Variants in KRT77 observed in about 807,000 individuals in gnomAD.
KRT77 encodes the protein keratin, type II cytoskeletal 1b.
A neutral mutation model predicts 51.5 loss-of-function variants in KRT77; 44 were observed. The observed-to-expected ratio is 0.85, with a 90% CI of 0.67 to 1.10. KRT77 has a LOEUF of 1.10. Among genes scored for constraint, KRT77 ranks in the 50% least tolerant of loss-of-function variants. The pLI is 0.00. For synonymous variants in KRT77, 293 were observed against 302.0 expected, an observed-to-expected ratio of 0.97 and a Z score of 0.31; for missense variants, 763 against 743.9, an observed-to-expected ratio of 1.03 and a Z score of -0.30.
At chr12:52,701,659 G>A (rs1176941009) in intron 1 of KRT77, among the ~76,000 whole-genome samples, 2 of 152,212 alleles carry the variant, frequency 1.3e-5, no homozygotes, top group Non-Finnish European at 2.9e-5. Flanking sequence ...CAGACAAAAG[G>A]AGATGCTGGA....
intron 1 of KRT77, among the ~76,000 whole-genome samples, chr12:52,700,315 C>T (rs1183640658): frequency 6.6e-6 from 1 of 152,190 alleles, no homozygotes; most frequent in Non-Finnish European, 1.5e-5. Context: ...AAGAAATAAT[C>T]ATGTAAAAAA....
chr12:52,695,869 T>C lies in KRT77; in HGVS notation c.820-2A>G. ...GCTCACATAAGCAGCATCCACATCC[T>C]GAATAGCAGGCAGAAACAGTTTGAC... On this transcript the variant is annotated splice_acceptor_variant, in intron 3 of 8. Coordinates refer to ENST00000341809, the MANE Select transcript of KRT77 (RefSeq NM_175078.3). LOFTEE classifies it high-confidence loss of function. 1 of 1,594,376 alleles carries C rather than the reference T, an allele frequency of 6.3e-7. No individual in the cohort carries two copies. Among genetic ancestry groups the C allele is most frequent in the Non-Finnish European group, 8.6e-7 (1 of 1,162,040 alleles).
In KRT77 at chr12:52,691,012, C is replaced by T; in HGVS notation, c.*153G>A. The T allele has an allele frequency of 2.9e-6, 3 of 1,048,530 alleles. No individual in the cohort carries two copies. The highest frequency in any genetic ancestry group is 4.2e-6 in the Non-Finnish European group (3 of 710,936). 65.0% of individuals were successfully genotyped at this position (1,048,530 alleles called of 1,614,324 possible). A position where few individuals can be genotyped will look rare whatever the true frequency, so the allele number is the denominator to read the frequency against. On this transcript the variant is annotated 3_prime_UTR_variant, in exon 9 of 9. Coordinates refer to ENST00000341809, the MANE Select transcript of KRT77 (RefSeq NM_175078.3). ...GAGATCTGCTGTTTGGACTTATCCA[C>T]CCTGCTTCCCCCATTAGAGTCGAAT...
rs147146638 is a variant in KRT77, at chr12:52,697,301, A to G, written c.758+381T>C. Among the ~76,000 whole-genome samples, 3 of 152,100 alleles carry G rather than the reference A, an allele frequency of 2.0e-5. No homozygotes were observed. In the East Asian group the frequency reaches 5.8e-4, roughly 29 times the overall value. ...AAACAGATGCATGCTCAAGTCTGAG[A>G]ACCACAGATCTACCCACAACAATCC... is the stretch of plus-strand genomic sequence containing the variant. On this transcript the variant is annotated intron_variant, in intron 2 of 8. Coordinates refer to ENST00000341809, the MANE Select transcript of KRT77 (RefSeq NM_175078.3).
At chr12:52,696,010 C>G in intron 3 of KRT77, 143 bp from the exon 4 acceptor site, 1 of 642,986 alleles carries the variant, frequency 1.6e-6, no homozygotes, top group Non-Finnish European at 2.8e-6. Context: ...GAATAAGGGA[C>G]CCACAAGTCC....
rs371905244 is a variant in KRT77, at chr12:52,703,254, G to T, written c.181C>A (p.Leu61Ile). The T allele has an allele frequency of 1.2e-6, 2 of 1,613,296 alleles. No homozygotes were observed. The highest frequency in any genetic ancestry group is 1.7e-6 in the Non-Finnish European group (2 of 1,179,954). Reference protein sequence around the residue: ...IHGRGFGSRSLYNLGGSRSIS... With the variant: ...IHGRGFGSRSIYNLGGSRSIS... ...CTTCTACTGCCACCCAGATTGTAGA[G>T]GCTCCTAGAGCCAAACCCCCTTCCA... The change falls in exon 1 of 9, where the codon CTC (leucine) becomes ATC (isoleucine). Residue 61 changes from leucine to isoleucine, a missense_variant. Leu to Ile is a conservative substitution (Grantham distance 5, BLOSUM62 2). Coordinates refer to ENST00000341809, the MANE Select transcript of KRT77 (RefSeq NM_175078.3).
At chr12:52,697,431 T>G (rs1941810763) in intron 2 of KRT77, among the ~76,000 whole-genome samples, 1 of 152,180 alleles carries the variant, frequency 6.6e-6, no homozygotes, top group African/African-American at 2.4e-5. Context: ...ACACTGGAAA[T>G]CAGGCTTACT....
intron 2 of KRT77, among the ~76,000 whole-genome samples, chr12:52,697,083 G>T (rs1478391245): frequency 1.3e-5 from 2 of 152,228 alleles, no homozygotes; most frequent in Non-Finnish European, 2.9e-5. Flanking sequence ...TTGACTGCTA[G>T]GGGTGTACAG....
Position 52,699,660 on chromosome 12 carries a change from T to A in KRT77, c.544-1764A>T, listed in dbSNP as rs148053692. On this transcript the variant is annotated intron_variant, in intron 1 of 8. Transcript: ENST00000341809. ...AGTGCCCTCAGCACCCCAGGTCTCC[T>A]CAACTCTTTGCCCAGCAAACTCCTG... 7.9e-5 allele frequency among the ~76,000 whole-genome samples: 12 copies of A among 152,348 alleles called. 1 individual carries two copies. The East Asian group carries it at 1.9e-3, about 24-fold the overall frequency.
intron 2 of KRT77, 45 bp downstream of exon 2, chr12:52,697,637 T>G (rs762170527): frequency 7.2e-7 from 1 of 1,381,630 alleles, no homozygotes; most frequent in Non-Finnish European, 9.8e-7. Flanking sequence ...TGTGACCAGT[T>G]TCCGGCCATG....
At position 52,694,742 on chromosome 12, in the gene KRT77, A is replaced by G. The variant is rs1039194258; in HGVS notation, c.964T>C (p.Ser322Pro). 1 of 1,612,748 alleles carries G rather than the reference A, an allele frequency of 6.2e-7. No homozygotes were observed. The highest frequency in any genetic ancestry group is 1.1e-5 in the South Asian group (1 of 90,942). Residue 322 changes from serine (S) to proline (P), a missense_variant, in exon 5 of 9, where the codon TCC becomes CCC. Transcript: ENST00000341809. The part of the protein sequence containing the change: ...THISDTNVIL[S>P]MDNNRSLDLD... Reference sequence around the variant, plus strand: ...TCCAGGGAACGGTTATTGTCCATGGACAGGATGACGTTGGTGTCGCTGATG... The same window carrying G: ...TCCAGGGAACGGTTATTGTCCATGGGCAGGATGACGTTGGTGTCGCTGATG...
intron 7 of KRT77, 132 bp from the exon 8 acceptor site, chr12:52,692,104 G>C: frequency 1.0e-6 from 1 of 961,240 alleles, no homozygotes. Context: ...AGGTCAGGAA[G>C]CCAGTGGGGC....
chr12:52,703,427 T>A lies in KRT77; in HGVS notation c.8A>T (p.His3Leu). 1 of 1,577,200 alleles carries A rather than the reference T, an allele frequency of 6.3e-7. No homozygotes were observed. Among genetic ancestry groups the A allele is most frequent in the East Asian group, 2.3e-5 (1 of 44,250 alleles). ...AAACGCGGACTGAGAACTAAATTGGTGGCTCATGTTTGCTGGAGCATCCAG... is the reference window on the plus strand; with the variant it reads ...AAACGCGGACTGAGAACTAAATTGGAGGCTCATGTTTGCTGGAGCATCCAG... Reference protein sequence around the residue: MSHQFSSQSAFSS... With the variant: MSLQFSSQSAFSS... Residue 3 changes from histidine to leucine, a missense_variant, in exon 1 of 9, where the codon CAC (histidine) becomes CTC (leucine). Coordinates refer to ENST00000341809, the MANE Select transcript of KRT77 (RefSeq NM_175078.3).
At position 52,699,515 on chromosome 12, in the gene KRT77, G is replaced by A. The variant is rs545653721; in HGVS notation, c.544-1619C>T. ...AGGTTCCCCAAAACACTCCTGGTCTGTGTCCCACCAGCAAAACTCAAGGGC... is the reference window on the plus strand; with the variant it reads ...AGGTTCCCCAAAACACTCCTGGTCTATGTCCCACCAGCAAAACTCAAGGGC... On this transcript the variant is annotated intron_variant, in intron 1 of 8. Transcript: ENST00000341809. 7.2e-5 allele frequency among the ~76,000 whole-genome samples: 11 copies of A among 152,318 alleles called. No homozygotes were observed. In the East Asian group the frequency reaches 2.1e-3, roughly 29 times the overall value.
chr12:52,690,802 A>T lies in KRT77; in HGVS notation c.*363T>A. 2.5e-6 allele frequency: 1 copy of T among 397,962 alleles called. No homozygotes were observed. The highest frequency in any genetic ancestry group is 4.6e-6 in the Non-Finnish European group (1 of 218,036). The allele number at this position is 397,962 out of a possible 1,614,324, so 24.7% of individuals were successfully genotyped here. A position where few individuals can be genotyped will look rare whatever the true frequency, so the allele number is the denominator to read the frequency against. On this transcript the variant is annotated 3_prime_UTR_variant, in exon 9 of 9. Transcript: ENST00000341809. ...TACTTGGAGGCAGAGGAATGATAAC[A>T]ATGACTTCTCCCTACCTTGCCAACT... is the stretch of plus-strand genomic sequence containing the variant.
At chr12:52,696,764 T>A in intron 2 of KRT77, 1 of 237,798 alleles carries the variant, frequency 4.2e-6, no homozygotes, top group Non-Finnish European at 8.2e-6. Flanking sequence ...ACTGAGAACA[T>A]GAAATAACAA....
intron 4 of KRT77, chr12:52,695,424 T>C: frequency 4.7e-6 from 1 of 213,642 alleles, no homozygotes; most frequent in Non-Finnish European, 9.5e-6. Flanking sequence ...CCACAGAGTT[T>C]CCTAACAGCT....
chr12:52,691,464 G>A (rs1363235478), intron 8 of KRT77, 25 bp from the exon 9 acceptor site: 1 of 1,532,446 alleles, frequency 6.5e-7, no homozygotes, highest in Non-Finnish European at 8.7e-7. Flanking sequence ...CAGTGCACAC[G>A]GGGTCAGAGG....
chr12:52,697,535 A>C, intron 2 of KRT77, 147 bp downstream of exon 2: 1 of 607,216 alleles, frequency 1.6e-6, no homozygotes. Context: ...TGCCACATAC[A>C]AAACAGTGCC....
Sources: allele counts gnomAD v4.1 joint callset (sites outside exome capture counted in the v4.1 genomes callset), GRCh38; gene constraint gnomAD v4.1.1; transcripts MANE v1.5; gene names NCBI Gene and HGNC (gene_info 2026-07-23, HGNC 2026-07-21).